Variants in LAMP2 observed in about 807,000 individuals in gnomAD.
LAMP2 encodes lysosome-associated membrane glycoprotein 2.
Under a neutral mutation model 25.6 loss-of-function variants are expected in LAMP2, and 4 were observed. That is an observed-to-expected ratio of 0.16 (90% confidence interval 0.08 to 0.36). The LOEUF is 0.36. Among genes scored for constraint, LAMP2 ranks in the 10% least tolerant of loss-of-function variants. The probability of loss-of-function intolerance (pLI) is 1.00; values close to 1 mark genes in which losing one functional copy is unlikely to be tolerated. For synonymous variants in LAMP2, 108 were observed against 112.7 expected, an observed-to-expected ratio of 0.96 and a Z score of 0.27; for missense variants, 272 against 301.4, an observed-to-expected ratio of 0.90 and a Z score of 0.72.
chrX:120,463,923 T>G (rs1375803387), intron 1 of LAMP2, among the ~76,000 whole-genome samples: 5 of 110,395 alleles, frequency 4.5e-5, no homozygotes, highest in African/African-American at 1.6e-4. Flanking sequence ...TCGTTTTTTT[T>G]TTGTTTTTTT....
Position 120,429,905 on chromosome X carries a change from T to A in LAMP2, c.*1418A>T, listed in dbSNP as rs2058515779. Reference sequence around the variant, plus strand: ...TGTGATTTATGATTAAGCAATAACTTGTACTTTTCTTCTAATTTTAACTTT... The same window carrying A: ...TGTGATTTATGATTAAGCAATAACTAGTACTTTTCTTCTAATTTTAACTTT... On this transcript the variant is annotated 3_prime_UTR_variant, in exon 9 of 9. Transcript: ENST00000200639. 1 of 752,036 alleles carries A rather than the reference T, an allele frequency of 1.3e-6. No individual in the cohort carries two copies. The allele number at this position is 752,036 out of a possible 1,213,427, so 62.0% of individuals were successfully genotyped here. A position where few individuals can be genotyped will look rare whatever the true frequency, so the allele number is the denominator to read the frequency against.
Position 120,430,817 on chromosome X carries a change from C to A in LAMP2, c.*506G>T. The A allele has an allele frequency of 1.3e-6, 1 of 757,313 alleles. No individual in the cohort carries two copies. The highest frequency in any genetic ancestry group is 1.6e-6 in the Non-Finnish European group (1 of 640,883). The allele number at this position is 757,313 out of a possible 1,213,427, so 62.4% of individuals were successfully genotyped here. A position where few individuals can be genotyped will look rare whatever the true frequency, so the allele number is the denominator to read the frequency against. ...ATTCTCTACTTCATTCAACTGAAAA[C>A]CAAGTTTAAGCATATCTGATGGGCA... is the stretch of plus-strand genomic sequence containing the variant. On this transcript the variant is annotated 3_prime_UTR_variant, in exon 9 of 9. Transcript: ENST00000200639.
In LAMP2 at chrX:120,453,669, G is replaced by A. The variant is rs1365075270; in HGVS notation, c.397+1688C>T. ...CTAAAAATACAAAGATTAGCCGGGCGTGGTGGCACGCACCTGTAATCTCAG... is the reference window on the plus strand; with the variant it reads ...CTAAAAATACAAAGATTAGCCGGGCATGGTGGCACGCACCTGTAATCTCAG... On this transcript the variant is annotated intron_variant, in intron 3 of 8. Coordinates refer to ENST00000200639, the MANE Select transcript of LAMP2 (RefSeq NM_002294.3). 3.6e-5 allele frequency among the ~76,000 whole-genome samples: 4 copies of A among 111,694 alleles called. No individual in the cohort carries two copies. In the Admixed American group the frequency reaches 3.8e-4, roughly 11 times the overall value.
At chrX:120,441,597 A>G in intron 8 of LAMP2, 133 bp downstream of exon 8, 3 of 518,908 alleles carry the variant, frequency 5.8e-6, no homozygotes, top group Non-Finnish European at 9.8e-6. Context: ...AGCCAAATAT[A>G]GAGTTGCACA....
rs773623849 is a variant in LAMP2, at chrX:120,469,170, G to C, written c.-1C>G. On this transcript the variant is annotated 5_prime_UTR_variant, in exon 1 of 9. Coordinates refer to ENST00000200639, the MANE Select transcript of LAMP2 (RefSeq NM_002294.3). The stretch of plus-strand genomic sequence containing the variant: ...CCGGGAAGAGGCGGAAGCACACCAT[G>C]ACCCCGCAGAGCAGGCGGCGACGGC... 1 of 1,210,502 alleles carries C rather than the reference G, an allele frequency of 8.3e-7. No homozygotes were observed. Among genetic ancestry groups the C allele is most frequent in the East Asian group, 3.0e-5 (1 of 33,768 alleles).
intron 3 of LAMP2, among the ~76,000 whole-genome samples, chrX:120,452,545 TTTTTC>T (rs1427777891): frequency 2.9e-5 from 3 of 104,962 alleles, no homozygotes; most frequent in African/African-American, 1.1e-4. Context: ...CAGTCTTTTC[TTTTTC>T]TTTTCTTTTT....
At position 120,428,591 on chromosome X, in the gene LAMP2, G is replaced by T; in HGVS notation, c.*2732C>A. On this transcript the variant is annotated 3_prime_UTR_variant, in exon 9 of 9. Coordinates refer to ENST00000200639, the MANE Select transcript of LAMP2 (RefSeq NM_002294.3). ...GCCACACCCACTGCAACAGGAATAA[G>T]AAAGTTGAGGTCAGAGTCAGCAGAA... 6.7e-6 allele frequency: 8 copies of T among 1,197,471 alleles called. No individual in the cohort carries two copies. The highest frequency in any genetic ancestry group is 9.0e-6 in the Non-Finnish European group (8 of 888,774).
intron 8 of LAMP2, chrX:120,438,720 ACACACACAC>A: frequency 1.3e-6 from 1 of 794,533 alleles, no homozygotes; most frequent in Non-Finnish European, 1.5e-6. Flanking sequence ...ACACACACAC[ACACACACAC>A]ACAAAAAGAG....
intron 3 of LAMP2, among the ~76,000 whole-genome samples, chrX:120,454,721 C>G (rs980823620): frequency 9.1e-6 from 1 of 109,469 alleles, no homozygotes; most frequent in Admixed American, 1.0e-4. Context: ...TAGACTGCTT[C>G]AAACACCAGC....
chrX:120,469,125 A>C lies in LAMP2; in HGVS notation c.45T>G (p.Val15=), dbSNP rs1377022674. 2 of 1,210,841 alleles carry C rather than the reference A, an allele frequency of 1.7e-6. No homozygotes were observed. Among genetic ancestry groups the C allele is most frequent in the African/African-American group, 3.5e-5 (2 of 57,460 alleles). Residue 15 remains valine (V), a synonymous_variant, in exon 1 of 9, where the codon GTT becomes GTG. Coordinates refer to ENST00000200639, the MANE Select transcript of LAMP2 (RefSeq NM_002294.3). ...ACTCACCCAGGACTAGGCAGACCAG[A>C]ACGAGCCCTGAGCCCGGAACCGGGA... The part of the protein sequence containing the change: ...RLFPVPGSGL[V]LVCLVLGAVR...
At chrX:120,438,490 A>G (rs982106781) in intron 8 of LAMP2, 12 of 728,983 alleles carry the variant, frequency 1.6e-5, no homozygotes, top group Non-Finnish European at 1.9e-5. Context: ...CAATAAGATT[A>G]ATACCTACTC....
At chrX:120,438,149 G>A (rs1862380184) in intron 8 of LAMP2, 10 of 743,684 alleles carry the variant, frequency 1.3e-5, no homozygotes, top group South Asian at 6.8e-5. Flanking sequence ...GAGCCGCCAC[G>A]CCCAGCCTAG....
At chrX:120,436,954 T>A (rs774976705) in intron 8 of LAMP2, 65 of 751,142 alleles carry the variant, frequency 8.7e-5, no homozygotes, top group Non-Finnish European at 9.9e-5. Context: ...AATTATTTTT[T>A]TAAAGCTGCT....
intron 3 of LAMP2, among the ~76,000 whole-genome samples, chrX:120,452,380 C>G (rs889900365): frequency 9.0e-6 from 1 of 111,031 alleles, no homozygotes; most frequent in Non-Finnish European, 1.9e-5. Flanking sequence ...GCTCAAAATC[C>G]TCCGCTTACT....
intron 1 of LAMP2, among the ~76,000 whole-genome samples, chrX:120,463,266 A>T (rs1487644578): frequency 8.9e-6 from 1 of 112,194 alleles, no homozygotes; most frequent in Non-Finnish European, 1.9e-5. Flanking sequence ...TAAAGGAGAA[A>T]AGCAATATGA....
intron 3 of LAMP2, among the ~76,000 whole-genome samples, chrX:120,454,193 G>A (rs1007256891): frequency 1.9e-5 from 2 of 104,091 alleles, no homozygotes; most frequent in African/African-American, 3.6e-5. Flanking sequence ...CTATCCATCC[G>A]TTAGTCACTT....
intron 3 of LAMP2, among the ~76,000 whole-genome samples, chrX:120,450,396 A>G (rs1400798950): frequency 1.8e-5 from 2 of 111,931 alleles, no homozygotes; most frequent in African/African-American, 6.5e-5. Context: ...TAGGAATTAA[A>G]AAACAAAACA....
At chrX:120,434,860 G>A (rs1211241849) in intron 8 of LAMP2, among the ~76,000 whole-genome samples, 3 of 112,008 alleles carry the variant, frequency 2.7e-5, no homozygotes, top group South Asian at 7.4e-4. Flanking sequence ...CAGGCACAGC[G>A]TTTCATGCCT....
rs1602525610 is a variant in LAMP2 at position 120,429,104 on chromosome X, A to G, written c.*2219T>C. 1.6e-5 allele frequency: 9 copies of G among 563,287 alleles called. No individual in the cohort carries two copies. Among genetic ancestry groups the G allele is most frequent in the Non-Finnish European group, 1.9e-5 (9 of 469,868 alleles). The allele number at this position is 563,287 out of a possible 1,213,427, so 46.4% of individuals were successfully genotyped here. A position where few individuals can be genotyped will look rare whatever the true frequency, so the allele number is the denominator to read the frequency against. On this transcript the variant is annotated 3_prime_UTR_variant, in exon 9 of 9. Coordinates refer to ENST00000200639, the MANE Select transcript of LAMP2 (RefSeq NM_002294.3). ...TATATGTGTGTGTATATATATGTGT[A>G]TATATATGTATATGTGTATATATAT...
Sources: gnomAD v4.1 joint callset for allele counts (sites outside exome capture counted in the v4.1 genomes callset) on GRCh38, gnomAD v4.1.1 for gene constraint, MANE v1.5 for transcripts, NCBI Gene and HGNC (gene_info 2026-07-23, HGNC 2026-07-21) for gene names.